The following FABP4 variants were observed in gnomAD, a reference collection of about 807,000 sequenced individuals.
FABP4 encodes the protein fatty acid binding protein 4, also known as fatty acid-binding protein, adipocyte.
A neutral mutation model predicts 14.6 loss-of-function variants in FABP4; 17 were observed. The ratio of observed to expected loss-of-function variants is 1.16; its 90% confidence interval spans 0.80 to 1.74. The LOEUF is 1.74. Among genes scored for constraint, FABP4 ranks in the 40% most tolerant of loss-of-function variants. FABP4 has a pLI of 0.00. For missense variants in FABP4, 149 were observed against 160.3 expected (o/e 0.93, Z 0.38); for synonymous variants, 54 against 54.6 (o/e 0.99, Z 0.05).
At chr8:81,481,638 C>G (rs780703100) in intron 1 of FABP4, among the ~76,000 whole-genome samples, 3 of 152,058 alleles carry the variant, frequency 2.0e-5, no homozygotes, top group Admixed American at 6.6e-5. Context: ...AGATATATGG[C>G]GCAAAATAAG....
intron 1 of FABP4, among the ~76,000 whole-genome samples, chr8:81,482,512 T>C (rs1464440732): frequency 6.6e-6 from 1 of 152,210 alleles, no homozygotes; most frequent in East Asian, 1.9e-4. Context: ...TATGGCATAC[T>C]ATGTCATTTC....
rs1808037052 is a variant in FABP4 at position 81,479,600 on chromosome 8, T to G, written c.247-85A>C. On this transcript the variant is annotated intron_variant, in intron 2 of 3. Transcript: ENST00000256104. Reference sequence around the variant, plus strand: ...TAGAGTGCCTTTGTTCAAAGGAATATTTTGAGGTCATTAGTAATTCTAAAT... The same window carrying G: ...TAGAGTGCCTTTGTTCAAAGGAATAGTTTGAGGTCATTAGTAATTCTAAAT... The G allele has an allele frequency of 4.5e-6, 4 of 885,670 alleles. No homozygotes were observed. The Admixed American group carries it at 8.7e-5, about 19-fold the overall frequency. The allele number at this position is 885,670 out of a possible 1,614,324, so 54.9% of individuals were successfully genotyped here.
At chr8:81,481,481 A>G (rs1481190441) in intron 1 of FABP4, among the ~76,000 whole-genome samples, 4 of 152,232 alleles carry the variant, frequency 2.6e-5, no homozygotes, top group South Asian at 2.1e-4. Flanking sequence ...ACAGCCTAAC[A>G]TAGCAGTAAC....
Position 81,480,462 on chromosome 8 carries a change from T to C in FABP4, c.210A>G (p.Glu70=), listed in dbSNP as rs1266315505. 3 of 1,613,834 alleles carry C rather than the reference T, an allele frequency of 1.9e-6. No individual in the cohort carries two copies. Among genetic ancestry groups the C allele is most frequent in the Non-Finnish European group, 2.5e-6 (3 of 1,179,786 alleles). The change falls in exon 2 of 4, where the codon GAA becomes GAG. Residue 70 remains glutamate, a synonymous_variant. Coordinates refer to ENST00000256104, the MANE Select transcript of FABP4 (RefSeq NM_001442.3). Reference sequence around the variant, plus strand: ...TGTCATCTGCAGTGACTTCGTCAAATTCCTGGCCCAGTATGAAGGAAATCT... The same window carrying C: ...TGTCATCTGCAGTGACTTCGTCAAACTCCTGGCCCAGTATGAAGGAAATCT... The part of the protein sequence containing the change: ...NTEISFILGQ[E]FDEVTADDRK...
Position 81,479,513 on chromosome 8 carries a change from G to T in FABP4, c.249C>A (p.Ser83Arg). Residue 83 changes from serine (S) to arginine (R), a missense_variant and splice_region_variant, in exon 3 of 4, where the codon AGC becomes AGA. Transcript: ENST00000256104. ...EVTADDRKVK[S>R]TITLDGGVLV... ...GGACACCCCCATCTAAGGTTATGGTGCTCTGTAGGCATAAGAAAATGTAAT... is the reference window on the plus strand; with the variant it reads ...GGACACCCCCATCTAAGGTTATGGTTCTCTGTAGGCATAAGAAAATGTAAT... 6.2e-7 allele frequency: 1 copy of T among 1,610,080 alleles called. No homozygotes were observed.
chr8:81,480,838 C>A (rs965422295), intron 1 of FABP4, among the ~76,000 whole-genome samples: 5 of 151,754 alleles, frequency 3.3e-5, no homozygotes, highest in African/African-American at 1.2e-4. Flanking sequence ...TAGGTGTAGG[C>A]CTATTCTTTA....
At chr8:81,482,981 A>G (rs1292661728) in intron 1 of FABP4, 114 bp downstream of exon 1, 5 of 714,016 alleles carry the variant, frequency 7.0e-6, no homozygotes, top group Admixed American at 3.2e-5. Context: ...TATAGAAAGC[A>G]GCATTTTTCA....
chr8:81,482,848 CAA>C (rs1808100623), intron 1 of FABP4, among the ~76,000 whole-genome samples: 2 of 152,094 alleles, frequency 1.3e-5, no homozygotes, highest in African/African-American at 4.8e-5. Context: ...TTTCTAAAGA[CAA>C]TAAACATTCC....
intron 1 of FABP4, among the ~76,000 whole-genome samples, chr8:81,481,845 T>C (rs2129800927): frequency 6.6e-6 from 1 of 152,310 alleles, no homozygotes; most frequent in Non-Finnish European, 1.5e-5. Flanking sequence ...TTGCTTTTAT[T>C]TGATGATGAA....
rs149353445 is a variant in FABP4, at chr8:81,479,267, G to A, written c.348+147C>T. On this transcript the variant is annotated intron_variant, in intron 3 of 3. Coordinates refer to ENST00000256104, the MANE Select transcript of FABP4 (RefSeq NM_001442.3). ...TTTGTTGAACTCAAAAGCATGAAGG[G>A]CAAATGCCAGAGTGGAAGCATAATT... 80 of 684,890 alleles carry A rather than the reference G, an allele frequency of 1.2e-4. No individual in the cohort carries two copies. The African/African-American group carries it at 1.4e-3, about 12-fold the overall frequency. The allele number at this position is 684,890 out of a possible 1,614,324, so 42.4% of individuals were successfully genotyped here.
chr8:81,481,409 G>T (rs545738154), intron 1 of FABP4, among the ~76,000 whole-genome samples: 5 of 152,238 alleles, frequency 3.3e-5, no homozygotes, highest in African/African-American at 1.2e-4. Context: ...CCTAAGTTGT[G>T]AACTTTTCTT....
chr8:81,481,052 A>G (rs1367193071), intron 1 of FABP4, among the ~76,000 whole-genome samples: 1 of 152,202 alleles, frequency 6.6e-6, no homozygotes, highest in Non-Finnish European at 1.5e-5. Context: ...AGGCACAAAG[A>G]CAGAATTTTC....
At position 81,478,574 on chromosome 8, in the gene FABP4, T is replaced by A. The variant is rs1563527294; in HGVS notation, c.*291A>T. The A allele has an allele frequency of 3.7e-6, 1 of 268,218 alleles. No individual in the cohort carries two copies. Among genetic ancestry groups the A allele is most frequent in the African/African-American group, 2.2e-5 (1 of 45,356 alleles). The allele number at this position is 268,218 out of a possible 1,614,324, so 16.6% of individuals were successfully genotyped here. On this transcript the variant is annotated 3_prime_UTR_variant, in exon 4 of 4. Transcript: ENST00000256104. Reference sequence around the variant, plus strand: ...TATCCCTTTTTACCTTGAATTATTATGAAATATGTTATTATTCATATCAGA... The same window carrying A: ...TATCCCTTTTTACCTTGAATTATTAAGAAATATGTTATTATTCATATCAGA...
intron 3 of FABP4, 55 bp downstream of exon 3, chr8:81,479,359 A>C: frequency 7.4e-7 from 1 of 1,344,882 alleles, no homozygotes; most frequent in South Asian, 1.2e-5. Context: ...TGGAATAGTG[A>C]TCATGAGATA....
At chr8:81,483,055 A>T (rs745316056) in intron 1 of FABP4, 40 bp downstream of exon 1, 2 of 1,516,434 alleles carry the variant, frequency 1.3e-6, no homozygotes, top group Non-Finnish European at 9.0e-7. Flanking sequence ...CCCAAAAGAA[A>T]ATATTATAAA....
intron 1 of FABP4, among the ~76,000 whole-genome samples, chr8:81,480,842 T>G (rs1203105888): frequency 2.6e-5 from 4 of 151,964 alleles, no homozygotes; most frequent in South Asian, 4.2e-4. Flanking sequence ...TGTAGGCCTA[T>G]TCTTTAAACT....
At chr8:81,479,297 TA>T in intron 3 of FABP4, 116 bp downstream of exon 3, 1 of 839,984 alleles carries the variant, frequency 1.2e-6, no homozygotes, top group Non-Finnish European at 1.9e-6. Context: ...ATAATTCCAA[TA>T]AAATCCTCTT....
At chr8:81,480,621 T>C in intron 1 of FABP4, 23 bp from the exon 2 acceptor site, 1 of 1,593,988 alleles carries the variant, frequency 6.3e-7, no homozygotes, top group Non-Finnish European at 8.5e-7. Flanking sequence ...AAAGAAAAGA[T>C]GTCAGATTTA....
Position 81,483,200 on chromosome 8 carries a change from G to A in FABP4, c.-33C>T, listed in dbSNP as rs760792992. 6.3e-7 allele frequency: 1 copy of A among 1,578,608 alleles called. No individual in the cohort carries two copies. The highest frequency in any genetic ancestry group is 8.7e-7 in the Non-Finnish European group (1 of 1,155,864). On this transcript the variant is annotated 5_prime_UTR_variant, in exon 1 of 4. Transcript: ENST00000256104. ...GTTTTCTAGGATTATTCTTCAAGGT[G>A]AGAAGGAAGCTGCAGTTTTCAGGAG...
Sources: allele counts gnomAD v4.1 joint callset (sites outside exome capture counted in the v4.1 genomes callset), GRCh38; gene constraint gnomAD v4.1.1; transcripts MANE v1.5; gene names NCBI Gene and HGNC (gene_info 2026-07-23, HGNC 2026-07-21).